PTPRD: variants seen among roughly 807,000 people sequenced by gnomAD.
The protein encoded by PTPRD is protein tyrosine phosphatase receptor type D.
In PTPRD, 34 loss-of-function variants were observed where a neutral mutation model predicts 214.5. That is an observed-to-expected ratio of 0.16 (90% CI 0.12 to 0.21). The LOEUF (loss-of-function observed/expected upper bound fraction) is 0.21. PTPRD is among the 10% of genes least tolerant of loss of function. The pLI is 1.00. For missense variants in PTPRD, 2,545 were observed against 2,398.7 expected (o/e 1.06, Z -1.27); for synonymous variants, 1,128 against 845.7 (o/e 1.33, Z -5.79).
At chr9:9,410,041 T>G (rs1383878892) in intron 8 of PTPRD, among the ~76,000 whole-genome samples, 2 of 152,124 alleles carry the variant, frequency 1.3e-5, no homozygotes, top group East Asian at 3.9e-4. Flanking sequence ...TCAAACACAT[T>G]TGTAAGGTAA....
In PTPRD at chr9:10,049,541, G is replaced by C. The variant is rs145431424; in HGVS notation, c.-544-15751C>G. 8.4e-3 allele frequency among the ~76,000 whole-genome samples: 1,280 copies of C among 152,080 alleles called. 8 individuals carry two copies. The highest frequency in any genetic ancestry group is 0.013 in the Non-Finnish European group (879 of 68,002). On this transcript the variant is annotated intron_variant, in intron 3 of 45. Transcript: ENST00000381196. ...CCTTTTTTACATCCAGTGATGTAAT[G>C]CTGCAAAAGATTTGAGGTCATTGTT...
At chr9:10,193,237 A>G (rs1009047452) in intron 3 of PTPRD, among the ~76,000 whole-genome samples, 11 of 151,830 alleles carry the variant, frequency 7.2e-5, no homozygotes, top group Non-Finnish European at 1.5e-4. Context: ...AAGGTTTTAC[A>G]TAAGTTACAT....
intron 11 of PTPRD, among the ~76,000 whole-genome samples, chr9:8,839,811 AACAG>A (rs1341438065): frequency 4.5e-5 from 1 of 22,190 alleles, no homozygotes; most frequent in East Asian, 8.0e-4. Context: ...ACAAAAGACA[AACAG>A]ACACATCTAG....
At chr9:9,259,138 C>T (rs1376343640) in intron 9 of PTPRD, among the ~76,000 whole-genome samples, 1 of 151,802 alleles carries the variant, frequency 6.6e-6, no homozygotes, top group African/African-American at 2.4e-5. Context: ...TGCAAGAGGA[C>T]ACTTGAAGAT....
intron 9 of PTPRD, among the ~76,000 whole-genome samples, chr9:9,313,148 A>G (rs1264071948): frequency 1.3e-5 from 2 of 152,112 alleles, no homozygotes; most frequent in African/African-American, 2.4e-5. Flanking sequence ...CTCTATCTCA[A>G]TTAGCCTATG....
At chr9:9,031,927 G>T (rs2044362) in intron 10 of PTPRD, among the ~76,000 whole-genome samples, 1 of 151,904 alleles carries the variant, frequency 6.6e-6, no homozygotes, top group African/African-American at 2.4e-5. Context: ...CTACCTATTG[G>T]TCTTATCTAC....
At chr9:10,049,105 T>A (rs962489185) in intron 3 of PTPRD, among the ~76,000 whole-genome samples, 2 of 152,016 alleles carry the variant, frequency 1.3e-5, no homozygotes, top group Non-Finnish European at 2.9e-5. Context: ...AAGCAGAGCA[T>A]TAGAGAAAAA....
At chr9:10,573,606 G>C (rs539542270) in intron 2 of PTPRD, among the ~76,000 whole-genome samples, 3 of 152,276 alleles carry the variant, frequency 2.0e-5, no homozygotes, top group Admixed American at 6.5e-5. Context: ...AGAGCAGATG[G>C]AGAGAAGACA....
intron 3 of PTPRD, among the ~76,000 whole-genome samples, chr9:10,056,722 A>G (rs1211397073): frequency 6.6e-6 from 1 of 152,100 alleles, no homozygotes; most frequent in Non-Finnish European, 1.5e-5. Flanking sequence ...AAACTTCTCT[A>G]CCGGGAGTCA....
intron 37 of PTPRD, among the ~76,000 whole-genome samples, chr9:8,382,577 G>A (rs1218195574): frequency 1.3e-5 from 2 of 152,194 alleles, no homozygotes; most frequent in Non-Finnish European, 2.9e-5. Context: ...CAAACAGCAA[G>A]AAATTGGTGG....
chr9:8,737,123 T>C (rs2090637898), intron 11 of PTPRD, among the ~76,000 whole-genome samples: 1 of 152,198 alleles, frequency 6.6e-6, no homozygotes, highest in South Asian at 2.1e-4. Flanking sequence ...TTCCTCCTAC[T>C]CAGCTGAAGT....
intron 7 of PTPRD, among the ~76,000 whole-genome samples, chr9:9,715,409 C>T (rs995108373): frequency 6.6e-6 from 1 of 151,918 alleles, no homozygotes; most frequent in Non-Finnish European, 1.5e-5. Flanking sequence ...TAAATAACCT[C>T]TCTATCATTT....
chr9:9,208,215 C>T (rs576488674), intron 9 of PTPRD, among the ~76,000 whole-genome samples: 1 of 151,372 alleles, frequency 6.6e-6, no homozygotes, highest in East Asian at 2.0e-4. Flanking sequence ...GGGGTTTCAC[C>T]GTGTAAGCCA....
chr9:9,955,969 T>TGG (rs535343357), intron 4 of PTPRD, among the ~76,000 whole-genome samples: 1 of 151,998 alleles, frequency 6.6e-6, no homozygotes, highest in African/African-American at 2.4e-5. Context: ...ACAGGAGTGG[T>TGG]GGGGGGGATC....
At chr9:9,847,683 G>C (rs1428934319) in intron 5 of PTPRD, among the ~76,000 whole-genome samples, 1 of 152,086 alleles carries the variant, frequency 6.6e-6, no homozygotes, top group African/African-American at 2.4e-5. Flanking sequence ...GCAGGGCCAA[G>C]TCTTCTTGTC....
chr9:8,991,071 T>C (rs1253376215), intron 11 of PTPRD, among the ~76,000 whole-genome samples: 2 of 151,244 alleles, frequency 1.3e-5, no homozygotes, highest in Non-Finnish European at 2.9e-5. Flanking sequence ...AAAAAAAAAT[T>C]AGCCAGGCAT....
intron 21 of PTPRD, among the ~76,000 whole-genome samples, chr9:8,517,146 C>T (rs1387858755): frequency 6.6e-6 from 1 of 151,512 alleles, no homozygotes; most frequent in Non-Finnish European, 1.5e-5. Flanking sequence ...TTTATATTAG[C>T]CCAAAGCCAA....
At chr9:8,941,368 T>G (rs2099032913) in intron 11 of PTPRD, among the ~76,000 whole-genome samples, 1 of 152,162 alleles carries the variant, frequency 6.6e-6, no homozygotes, top group Non-Finnish European at 1.5e-5. Context: ...ACATATACAC[T>G]ATATATAATT....
chr9:8,415,829 C>T (rs1013115530), intron 35 of PTPRD, among the ~76,000 whole-genome samples: 12 of 151,354 alleles, frequency 7.9e-5, no homozygotes, highest in Admixed American at 2.6e-4. Flanking sequence ...ATTACATGGC[C>T]ACCAAGACCA....
Sources: allele counts gnomAD v4.1 joint callset (sites outside exome capture counted in the v4.1 genomes callset), GRCh38; gene constraint gnomAD v4.1.1; transcripts MANE v1.5; gene names NCBI Gene and HGNC (gene_info 2026-07-23, HGNC 2026-07-21).